Variants in TMPRSS2 observed in about 807,000 individuals in gnomAD.
TMPRSS2 encodes transmembrane serine protease 2, also known as transmembrane protease serine 2.
In TMPRSS2, 59 loss-of-function variants were observed where a neutral mutation model predicts 67.4. The ratio of observed to expected loss-of-function variants is 0.88; its 90% CI spans 0.71 to 1.09. The LOEUF (loss-of-function observed/expected upper bound fraction) is 1.09. Ranked by LOEUF, TMPRSS2 falls within the 50% of genes least tolerant of loss-of-function variation. The probability of loss-of-function intolerance (pLI) is 0.00; values close to 1 mark genes in which losing one functional copy is unlikely to be tolerated. For synonymous variants in TMPRSS2, 257 were observed against 257.0 expected, an observed-to-expected ratio of 1.00 and a Z score of 0.00; for missense variants, 668 against 642.7, an observed-to-expected ratio of 1.04 and a Z score of -0.43.
intron 1 of TMPRSS2, among the ~76,000 whole-genome samples, chr21:41,502,150 G>A (rs1343497725): frequency 6.6e-6 from 1 of 152,220 alleles, no homozygotes; most frequent in Non-Finnish European, 1.5e-5. Flanking sequence ...CCACCATGCA[G>A]CAGGACGATG....
Position 41,465,693 on chromosome 21 carries a change from C to CT in TMPRSS2, c.*448dup, listed in dbSNP as rs1185115300. On this transcript the variant is annotated 3_prime_UTR_variant, in exon 14 of 14. Coordinates refer to ENST00000332149, the MANE Select transcript of TMPRSS2 (RefSeq NM_005656.4). ...CAAAATCCCCTTGTGGAGAGGTAGG[C>CT]TGGGGACACTACCAAGTGGCCCCAG... The CT allele has an allele frequency of 1.6e-5, 4 of 252,602 alleles. No homozygotes were observed. Among genetic ancestry groups the CT allele is most frequent in the Non-Finnish European group, 3.0e-5 (4 of 131,538 alleles). The allele number at this position is 252,602 out of a possible 1,614,324, so 15.6% of individuals were successfully genotyped here.
At chr21:41,468,252 T>C (rs1291731002) in intron 12 of TMPRSS2, 144 bp downstream of exon 12, 2 of 1,022,102 alleles carry the variant, frequency 2.0e-6, no homozygotes, top group African/African-American at 1.6e-5. Flanking sequence ...TTCGCACTGT[T>C]TGTGGCCGTC....
chr21:41,498,224 A>G, intron 1 of TMPRSS2, 35 bp from the exon 2 acceptor site: 2 of 1,416,776 alleles, frequency 1.4e-6, no homozygotes, highest in Non-Finnish European at 2.0e-6. Context: ...TAATATTTCC[A>G]TACCAGTTAG....
chr21:41,488,261 A>T, intron 5 of TMPRSS2, 133 bp downstream of exon 5: 1 of 1,084,840 alleles, frequency 9.2e-7, no homozygotes, highest in Non-Finnish European at 1.3e-6. Context: ...CTCAGCCTGG[A>T]GCAGGGATTC....
chr21:41,468,435 G>T lies in TMPRSS2; in HGVS notation c.1275C>A (p.Ile425=), dbSNP rs1190761169. The change falls in exon 12 of 14, where the codon ATC becomes ATA. Residue 425 remains isoleucine, a synonymous_variant. Coordinates refer to ENST00000332149, the MANE Select transcript of TMPRSS2 (RefSeq NM_005656.4). ...CGTTCCCCTGCAGGAAGCCGGCACA[G>T]ATCATGGCTGGTGTGATCAGGTTGT... ...VYDNLITPAM[I]CAGFLQGNVD... The T allele has an allele frequency of 1.2e-6, 2 of 1,614,044 alleles. No homozygotes were observed. Among genetic ancestry groups the T allele is most frequent in the Admixed American group, 1.7e-5 (1 of 60,000 alleles).
chr21:41,486,010 T>C (rs1282390738), intron 5 of TMPRSS2, among the ~76,000 whole-genome samples: 7 of 152,162 alleles, frequency 4.6e-5, no homozygotes, highest in South Asian at 2.1e-4. Flanking sequence ...GGGGATTACT[T>C]TGGCATGGAA....
At chr21:41,494,195 G>GAGAGTGGAAAGGCA (rs2091359841) in intron 3 of TMPRSS2, among the ~76,000 whole-genome samples, 161 bp downstream of exon 3, 1 of 152,262 alleles carries the variant, frequency 6.6e-6, no homozygotes, top group South Asian at 2.1e-4. Flanking sequence ...CCAGCAGGAA[G>GAGAGTGGAAAGGCA]AGAGTGGAAA....
At chr21:41,488,586 C>G (rs997941898) in intron 4 of TMPRSS2, 73 bp from the exon 5 acceptor site, 10 of 1,501,288 alleles carry the variant, frequency 6.7e-6, no homozygotes, top group Non-Finnish European at 9.1e-6. Flanking sequence ...TGAGGAACAC[C>G]GTGGCATTAC....
intron 2 of TMPRSS2, 77 bp from the exon 3 acceptor site, chr21:41,494,655 T>C (rs780792442): frequency 3.2e-6 from 4 of 1,254,544 alleles, no homozygotes; most frequent in South Asian, 2.5e-5. Flanking sequence ...TATCACATCA[T>C]ACCACAGCTA....
At chr21:41,486,607 G>A (rs1486460254) in intron 5 of TMPRSS2, 1 of 152,176 alleles carries the variant, frequency 6.6e-6, no homozygotes, top group East Asian at 1.9e-4. Flanking sequence ...CAGGAAATAA[G>A]TTTTAAAGGA....
At position 41,471,261 on chromosome 21, in the gene TMPRSS2, G is replaced by A. The variant is rs183650725; in HGVS notation, c.1076-518C>T. Among the ~76,000 whole-genome samples the A allele has an allele frequency of 2.0e-5, 3 of 152,354 alleles. No homozygotes were observed. The East Asian group carries it at 5.8e-4, about 29-fold the overall frequency. ...GGACCAGAGTGGGACCGAATAAGAGGCTAAGAGAAAGCATGTTTGTCCTGA... is the reference window on the plus strand; with the variant it reads ...GGACCAGAGTGGGACCGAATAAGAGACTAAGAGAAAGCATGTTTGTCCTGA... On this transcript the variant is annotated intron_variant, in intron 10 of 13. Transcript: ENST00000332149.
At chr21:41,472,112 A>T in intron 9 of TMPRSS2, 131 bp from the exon 10 acceptor site, 1 of 860,666 alleles carries the variant, frequency 1.2e-6, no homozygotes, top group Non-Finnish European at 1.7e-6. Context: ...ACACAGGGAG[A>T]TAGTGGAAGA....
chr21:41,507,978 T>C (rs919561728), intron 1 of TMPRSS2, 103 bp downstream of exon 1: 31 of 1,457,412 alleles, frequency 2.1e-5, no homozygotes, highest in Non-Finnish European at 2.8e-5. Flanking sequence ...CACACCCGCT[T>C]TCACCTCCGG....
intron 13 of TMPRSS2, among the ~76,000 whole-genome samples, chr21:41,466,833 T>C (rs1048702949): frequency 6.6e-6 from 1 of 152,194 alleles, no homozygotes; most frequent in African/African-American, 2.4e-5. Context: ...GAGAAAACTA[T>C]ACGTCTGAGG....
intron 2 of TMPRSS2, among the ~76,000 whole-genome samples, chr21:41,496,119 G>A (rs1360580392): frequency 1.3e-5 from 2 of 152,122 alleles, no homozygotes; most frequent in African/African-American, 4.8e-5. Flanking sequence ...GCTAACATTG[G>A]AGAACTCAGC....
At chr21:41,507,991 G>C (rs1193734108) in intron 1 of TMPRSS2, 90 bp downstream of exon 1, 1 of 1,397,550 alleles carries the variant, frequency 7.2e-7, no homozygotes, top group Non-Finnish European at 9.2e-7. Flanking sequence ...ACCTCCGGGC[G>C]GGGCAGGGGG....
intron 7 of TMPRSS2, among the ~76,000 whole-genome samples, chr21:41,476,908 T>C (rs2094881): frequency 0.64 from 97,519 of 152,062 alleles, 32,934 homozygotes; most frequent in Middle Eastern, 0.78. Context: ...TGAGGGTAAG[T>C]ATACAATAAT....
At chr21:41,486,200 A>G (rs1569020292) in intron 5 of TMPRSS2, among the ~76,000 whole-genome samples, 2 of 152,218 alleles carry the variant, frequency 1.3e-5, no homozygotes, top group Non-Finnish European at 2.9e-5. Flanking sequence ...TTCTAGTGTA[A>G]ACATGTCAGA....
At chr21:41,467,410 G>T (rs2091094386) in intron 13 of TMPRSS2, among the ~76,000 whole-genome samples, 2 of 149,680 alleles carry the variant, frequency 1.3e-5, no homozygotes, top group Admixed American at 1.3e-4. Flanking sequence ...AAAAAAGTTT[G>T]ATGTGAGGTG....
Sources: allele counts gnomAD v4.1 joint callset (sites outside exome capture counted in the v4.1 genomes callset), GRCh38; gene constraint gnomAD v4.1.1; transcripts MANE v1.5; gene names NCBI Gene and HGNC (gene_info 2026-07-23, HGNC 2026-07-21).